TBC1D22A: variants seen among roughly 807,000 people sequenced by gnomAD.
TBC1D22A encodes putative GTPase activator.
A neutral mutation model predicts 60.2 loss-of-function variants in TBC1D22A; 38 were observed. The observed-to-expected ratio is 0.63, with a 90% CI of 0.49 to 0.83. TBC1D22A has a LOEUF of 0.83. Among genes scored for constraint, TBC1D22A ranks in the 40% least tolerant of loss-of-function variants. The probability of loss-of-function intolerance (pLI) is 0.00; values close to 1 mark genes in which losing one functional copy is unlikely to be tolerated. For missense variants in TBC1D22A, 628 were observed against 701.0 expected, an observed-to-expected ratio of 0.90 and a Z score of 1.18; for synonymous variants, 302 against 281.7, an observed-to-expected ratio of 1.07 and a Z score of -0.72.
At position 46,792,507 on chromosome 22, in the gene TBC1D22A, T is replaced by A. The variant is rs1205017197; in HGVS notation, c.63-13T>A. On this transcript the variant is annotated splice_polypyrimidine_tract_variant and intron_variant, in intron 1 of 12. Coordinates refer to ENST00000337137, the MANE Select transcript of TBC1D22A (RefSeq NM_014346.5). Reference sequence around the variant, plus strand: ...GAGAGAGGCTCACTGGTTTTCCTTTTCTTTTCCATCAGCATCCAGCACGTG... The same window carrying A: ...GAGAGAGGCTCACTGGTTTTCCTTTACTTTTCCATCAGCATCCAGCACGTG... 6.2e-7 allele frequency: 1 copy of A among 1,614,112 alleles called. No homozygotes were observed. Among genetic ancestry groups the A allele is most frequent in the East Asian group, 2.2e-5 (1 of 44,902 alleles).
At chr22:46,811,831 A>G (rs1160840226) in intron 4 of TBC1D22A, among the ~76,000 whole-genome samples, 1 of 152,188 alleles carries the variant, frequency 6.6e-6, no homozygotes, top group African/African-American at 2.4e-5. Context: ...CTGGCCCGCC[A>G]GGTGAAGGCA....
At chr22:46,811,518 G>T (rs2085375199) in intron 4 of TBC1D22A, among the ~76,000 whole-genome samples, 1 of 152,246 alleles carries the variant, frequency 6.6e-6, no homozygotes, top group African/African-American at 2.4e-5. Context: ...GAGTTGAGCG[G>T]AGGAGGCAGA....
chr22:46,889,505 A>T (rs2068283474), intron 5 of TBC1D22A, among the ~76,000 whole-genome samples: 2 of 152,036 alleles, frequency 1.3e-5, no homozygotes, highest in Non-Finnish European at 2.9e-5. Flanking sequence ...CAGTAACTCG[A>T]CTCCTAGGTA....
intron 11 of TBC1D22A, among the ~76,000 whole-genome samples, chr22:47,044,587 T>G (rs1340363632): frequency 6.6e-6 from 1 of 152,232 alleles, no homozygotes. Context: ...CCGTACATTG[T>G]ACTTTCTCAT....
At chr22:46,866,028 G>A (rs1198059444) in intron 4 of TBC1D22A, among the ~76,000 whole-genome samples, 4 of 152,164 alleles carry the variant, frequency 2.6e-5, no homozygotes, top group African/African-American at 4.8e-5. Flanking sequence ...GTTCTGTGCC[G>A]AAATTGATGA....
chr22:46,869,885 A>G (rs1482950562), intron 4 of TBC1D22A, among the ~76,000 whole-genome samples: 1 of 152,180 alleles, frequency 6.6e-6, no homozygotes, highest in East Asian at 1.9e-4. Flanking sequence ...AAAGGTTCTT[A>G]TAATTAGGAG....
chr22:46,942,065 C>T (rs185645602), intron 8 of TBC1D22A, among the ~76,000 whole-genome samples: 100 of 146,414 alleles, frequency 6.8e-4, no homozygotes, highest in African/African-American at 2.3e-3. Context: ...TTGAACAGCA[C>T]GGAGCCTGGG....
At chr22:47,101,550 G>A (rs2065417227) in intron 11 of TBC1D22A, among the ~76,000 whole-genome samples, 1 of 152,268 alleles carries the variant, frequency 6.6e-6, no homozygotes, top group Admixed American at 6.5e-5. Context: ...CAGGAGGAAA[G>A]GAGCAGTTTC....
intron 8 of TBC1D22A, among the ~76,000 whole-genome samples, chr22:46,942,150 T>C (rs1303582759): frequency 6.6e-6 from 1 of 151,826 alleles, no homozygotes; most frequent in Admixed American, 6.6e-5. Flanking sequence ...CATACATATA[T>C]ATACACACAG....
intron 4 of TBC1D22A, among the ~76,000 whole-genome samples, chr22:46,812,835 T>G (rs1167911825): frequency 6.6e-6 from 1 of 152,250 alleles, no homozygotes; most frequent in African/African-American, 2.4e-5. Context: ...ATTTGCTTGT[T>G]TCGACTTAAT....
chr22:47,171,753 G>A (rs2068463630), intron 12 of TBC1D22A, among the ~76,000 whole-genome samples: 1 of 152,138 alleles, frequency 6.6e-6, no homozygotes, highest in Non-Finnish European at 1.5e-5. Context: ...GTGGTCGTGG[G>A]GGGTCCCCCG....
intron 4 of TBC1D22A, among the ~76,000 whole-genome samples, chr22:46,866,716 C>T (rs2067073184): frequency 6.6e-6 from 1 of 152,208 alleles, no homozygotes; most frequent in Non-Finnish European, 1.5e-5. Context: ...TTTTGGTGTT[C>T]TTGCCCCAGA....
rs538362760 is a variant in TBC1D22A, at chr22:46,797,602, G to A, written c.619G>A (p.Gly207Ser). 4.4e-6 allele frequency: 7 copies of A among 1,608,434 alleles called. No homozygotes were observed. Among genetic ancestry groups the A allele is most frequent in the East Asian group, 2.2e-5 (1 of 44,650 alleles). ...CGACAAGTTCAAGCAGCTGCTTGCC[G>A]GCCCCAACACGGACCTTGGTAAGCA... ...RLDKFKQLLA[G>S]PNTDLEELRR... The change falls in exon 4 of 13, where the codon GGC becomes AGC. Residue 207 changes from glycine (G) to serine (S), a missense_variant. Physicochemically the swap from Gly to Ser is moderately conservative, Grantham distance 56. Coordinates refer to ENST00000337137, the MANE Select transcript of TBC1D22A (RefSeq NM_014346.5).
At chr22:47,090,617 C>T (rs1333245357) in intron 11 of TBC1D22A, among the ~76,000 whole-genome samples, 3 of 152,178 alleles carry the variant, frequency 2.0e-5, no homozygotes, top group Non-Finnish European at 2.9e-5. Context: ...GCTTCCTCAG[C>T]GTCCCCTTCG....
chr22:46,881,942 C>T (rs1475458987), intron 5 of TBC1D22A, among the ~76,000 whole-genome samples: 1 of 152,202 alleles, frequency 6.6e-6, no homozygotes, highest in Non-Finnish European at 1.5e-5. Flanking sequence ...AGTCACCCAT[C>T]CCTGAGTCAG....
At position 46,840,132 on chromosome 22, in the gene TBC1D22A, G is replaced by A. The variant is rs377063690; in HGVS notation, c.638-38521G>A. 3.3e-5 allele frequency among the ~76,000 whole-genome samples: 5 copies of A among 152,160 alleles called. No homozygotes were observed. In the South Asian group the frequency reaches 1.0e-3, roughly 31 times the overall value. ...AATTAAAAAGCTTCTGCACAGCAAA[G>A]GAAATAATCATCAGAGTGAAGAGAC... On this transcript the variant is annotated intron_variant, in intron 4 of 12. Coordinates refer to ENST00000337137, the MANE Select transcript of TBC1D22A (RefSeq NM_014346.5).
At chr22:46,906,404 A>G (rs1272419185) in intron 7 of TBC1D22A, among the ~76,000 whole-genome samples, 1 of 152,076 alleles carries the variant, frequency 6.6e-6, no homozygotes, top group Non-Finnish European at 1.5e-5. Context: ...GTGTGCATTT[A>G]GGATAGGTTA....
chr22:46,928,952 G>A (rs1297396387), intron 8 of TBC1D22A, among the ~76,000 whole-genome samples: 1 of 152,166 alleles, frequency 6.6e-6, no homozygotes, highest in African/African-American at 2.4e-5. Flanking sequence ...AAATTAGAAT[G>A]TGGGGGCCGG....
At chr22:47,126,483 C>T (rs570105936) in intron 12 of TBC1D22A, among the ~76,000 whole-genome samples, 7 of 152,338 alleles carry the variant, frequency 4.6e-5, no homozygotes, top group African/African-American at 1.7e-4. Flanking sequence ...AGGATCCTGT[C>T]TCTGCAGCCT....
Sources: allele counts gnomAD v4.1 joint callset (sites outside exome capture counted in the v4.1 genomes callset), GRCh38; gene constraint gnomAD v4.1.1; transcripts MANE v1.5; gene names NCBI Gene and HGNC (gene_info 2026-07-23, HGNC 2026-07-21).